Variants in DIAPH3 observed in about 807,000 individuals in gnomAD.
DIAPH3 encodes diaphanous related formin 3.
In DIAPH3, 117 loss-of-function variants were observed where a neutral mutation model predicts 144.3. The observed-to-expected ratio is 0.81, with a 90% CI of 0.70 to 0.95. The LOEUF is 0.95. DIAPH3 is among the 40% of genes least tolerant of loss of function. The probability of loss-of-function intolerance (pLI) is 0.00; values close to 1 mark genes in which losing one functional copy is unlikely to be tolerated. For synonymous variants in DIAPH3, 519 were observed against 488.9 expected (o/e 1.06, Z -0.81); for missense variants, 1,421 against 1,412.7 (o/e 1.01, Z -0.09).
At chr13:59,947,171 A>C (rs2048843633) in intron 17 of DIAPH3, among the ~76,000 whole-genome samples, 1 of 152,228 alleles carries the variant, frequency 6.6e-6, no homozygotes, top group Admixed American at 6.5e-5. Flanking sequence ...ATACCGGAAT[A>C]ATAACTCGCT....
chr13:59,978,570 T>G (rs1375071622), intron 14 of DIAPH3, among the ~76,000 whole-genome samples: 1 of 151,768 alleles, frequency 6.6e-6, no homozygotes, highest in Non-Finnish European at 1.5e-5. Flanking sequence ...TAAATTAACT[T>G]GCTAATACTA....
chr13:60,127,426 T>A (rs1228876555), intron 2 of DIAPH3, among the ~76,000 whole-genome samples: 1 of 152,068 alleles, frequency 6.6e-6, no homozygotes, highest in Non-Finnish European at 1.5e-5. Context: ...ACATTAGTAA[T>A]TGTGGGAAAC....
chr13:59,817,651 T>C (rs2040847158), intron 24 of DIAPH3, among the ~76,000 whole-genome samples: 1 of 151,958 alleles, frequency 6.6e-6, no homozygotes, highest in Non-Finnish European at 1.5e-5. Context: ...ATTTATAAAA[T>C]GTTTGTTTCC....
chr13:59,994,252 C>T (rs910891920), intron 9 of DIAPH3, among the ~76,000 whole-genome samples: 15 of 151,924 alleles, frequency 9.9e-5, no homozygotes, highest in Admixed American at 7.9e-4. Context: ...TTAAATCATG[C>T]AAACATGTCT....
chr13:59,820,976 A>G (rs1247913254), intron 24 of DIAPH3, among the ~76,000 whole-genome samples: 4 of 151,840 alleles, frequency 2.6e-5, no homozygotes, highest in Non-Finnish European at 5.9e-5. Flanking sequence ...TATTTTTGCG[A>G]CATAGAAAAC....
intron 23 of DIAPH3, chr13:59,838,982 G>A (rs536390349): frequency 2.1e-5 from 5 of 242,256 alleles, no homozygotes; most frequent in Admixed American, 1.5e-4. Context: ...ATGGTGGTGC[G>A]TGCCTGTAGG....
At chr13:59,863,784 A>AAATCTATGTT (rs1296358435) in intron 21 of DIAPH3, among the ~76,000 whole-genome samples, 1 of 152,170 alleles carries the variant, frequency 6.6e-6, no homozygotes, top group Non-Finnish European at 1.5e-5. Flanking sequence ...CATAGAGCTG[A>AAATCTATGTT]GTGTTTTACA....
At chr13:59,849,761 A>T (rs1259172449) in intron 22 of DIAPH3, among the ~76,000 whole-genome samples, 1 of 61,166 alleles carries the variant, frequency 1.6e-5, no homozygotes, top group Non-Finnish European at 3.2e-5. Context: ...TGATGCCTCC[A>T]GCTTTGTTCT....
chr13:59,709,930 T>C lies in DIAPH3; in HGVS notation c.3320-43084A>G, dbSNP rs1367917178. ...CTATGCAGCCATAAAAAATGATGAG[T>C]TCATGTCCTTTGTAGGGACATGGAT... On this transcript the variant is annotated intron_variant, in intron 27 of 27. Transcript: ENST00000400324. 4.3e-3 allele frequency among the ~76,000 whole-genome samples: 651 copies of C among 152,086 alleles called. 2 individuals are homozygous for C. Among genetic ancestry groups the C allele is most frequent in the African/African-American group, 0.015 (613 of 41,456 alleles).
intron 27 of DIAPH3, among the ~76,000 whole-genome samples, chr13:59,727,859 TG>T (rs1405944438): frequency 5.3e-5 from 8 of 152,172 alleles, no homozygotes; most frequent in Non-Finnish European, 1.0e-4. Context: ...ACCCGTATTT[TG>T]GTCTCAGACA....
chr13:59,794,066 T>A (rs907414500), intron 25 of DIAPH3, among the ~76,000 whole-genome samples: 1 of 152,232 alleles, frequency 6.6e-6, no homozygotes, highest in African/African-American at 2.4e-5. Flanking sequence ...AGATATTCAA[T>A]ACTTGATTAC....
At chr13:59,994,555 A>C (rs1442767539) in intron 9 of DIAPH3, among the ~76,000 whole-genome samples, 1 of 151,938 alleles carries the variant, frequency 6.6e-6, no homozygotes, top group Non-Finnish European at 1.5e-5. Flanking sequence ...ATAAAAATAT[A>C]CTATATACTG....
chr13:59,866,835 C>T (rs1047823955), intron 21 of DIAPH3, among the ~76,000 whole-genome samples: 8 of 151,730 alleles, frequency 5.3e-5, no homozygotes, highest in South Asian at 2.1e-4. Context: ...AAGGTATCTA[C>T]GTGAAAATGA....
intron 13 of DIAPH3, among the ~76,000 whole-genome samples, chr13:59,981,091 A>G (rs1031183214): frequency 2.0e-5 from 3 of 151,424 alleles, no homozygotes; most frequent in Non-Finnish European, 3.0e-5. Flanking sequence ...TTAAACTTCT[A>G]GCAGGCAAAA....
chr13:59,901,145 T>C (rs1244834885), intron 20 of DIAPH3, among the ~76,000 whole-genome samples: 2 of 152,244 alleles, frequency 1.3e-5, no homozygotes, highest in East Asian at 1.9e-4. Context: ...TTTCTCCATA[T>C]AGCTGCCAGC....
At chr13:59,861,205 A>G (rs1219473984) in intron 22 of DIAPH3, 6 of 1,465,392 alleles carry the variant, frequency 4.1e-6, no homozygotes, top group Admixed American at 5.2e-5. Context: ...ATAAGGCCTC[A>G]TCATCTAACT....
chr13:60,162,827 A>T (rs1594812853), intron 1 of DIAPH3, among the ~76,000 whole-genome samples: 1 of 151,466 alleles, frequency 6.6e-6, no homozygotes. Context: ...ACACACACAC[A>T]CACACACACA....
intron 4 of DIAPH3, among the ~76,000 whole-genome samples, chr13:60,088,483 G>A (rs778954755): frequency 1.3e-5 from 2 of 152,026 alleles, no homozygotes; most frequent in Non-Finnish European, 2.9e-5. Context: ...GCTTTCACTT[G>A]TCTGGAATAT....
chr13:59,728,888 A>G (rs1489205582), intron 27 of DIAPH3, among the ~76,000 whole-genome samples: 2 of 152,110 alleles, frequency 1.3e-5, no homozygotes, highest in Non-Finnish European at 2.9e-5. Context: ...GGTAGGATAT[A>G]TTATAAGAAG....
Sources: gnomAD v4.1 joint callset for allele counts (sites outside exome capture counted in the v4.1 genomes callset) on GRCh38, gnomAD v4.1.1 for gene constraint, MANE v1.5 for transcripts, NCBI Gene and HGNC (gene_info 2026-07-23, HGNC 2026-07-21) for gene names.